ITGB8: variants seen among roughly 807,000 people sequenced by gnomAD.
ITGB8 encodes the protein integrin subunit beta 8.
A neutral mutation model predicts 89.5 loss-of-function variants in ITGB8; 30 were observed. That is an observed-to-expected ratio of 0.34 (90% confidence interval 0.25 to 0.45). The LOEUF (loss-of-function observed/expected upper bound fraction) is 0.45, where lower values mean the gene tolerates loss of function less well. Among genes scored for constraint, ITGB8 ranks in the 20% least tolerant of loss-of-function variants. The pLI is 1.00. For missense variants in ITGB8, 836 were observed against 933.3 expected, an observed-to-expected ratio of 0.90 and a Z score of 1.36; for synonymous variants, 335 against 320.4, an observed-to-expected ratio of 1.05 and a Z score of -0.49.
Position 20,380,845 on chromosome 7 carries a change from C to T in ITGB8, c.801+14C>T. ...GCTGTCTGTGAAGTAAGACGTTTCA[C>T]ATGATCGAGTGTTTGCTAAGATGCC... On this transcript the variant is annotated intron_variant, in intron 5 of 13. Coordinates refer to ENST00000222573, the MANE Select transcript of ITGB8 (RefSeq NM_002214.3). 6.3e-7 allele frequency: 1 copy of T among 1,596,486 alleles called. No homozygotes were observed. Among genetic ancestry groups the T allele is most frequent in the South Asian group, 1.1e-5 (1 of 89,016 alleles).
At position 20,404,642 on chromosome 7, in the gene ITGB8, G is replaced by GCCC. The variant is rs753635396; in HGVS notation, c.1702_1703insCCC (p.Glu568delinsAlaGln). 1.2e-6 allele frequency: 2 copies of GCCC among 1,613,904 alleles called. No individual in the cohort carries two copies. The highest frequency in any genetic ancestry group is 4.5e-5 in the East Asian group (2 of 44,868). On this transcript the variant is annotated protein_altering_variant, in exon 11 of 14. Transcript: ENST00000222573. ...CTTCCTCACAGGGCATGGAGAGTGT[G>GCCC]AAGCAGGCAGATGCCAATGCTTCAG...
intron 1 of ITGB8, among the ~76,000 whole-genome samples, chr7:20,360,401 T>C (rs1181721912): frequency 6.6e-6 from 1 of 150,834 alleles, no homozygotes; most frequent in African/African-American, 2.4e-5. Context: ...TTTGATTACG[T>C]GGATGAATTG....
chr7:20,381,597 G>A (rs1311540704), intron 5 of ITGB8, 130 bp from the exon 6 acceptor site: 23 of 649,220 alleles, frequency 3.5e-5, no homozygotes, highest in Non-Finnish European at 4.5e-5. Context: ...ACGCAGCAGC[G>A]TTGTACCCAC....
intron 1 of ITGB8, among the ~76,000 whole-genome samples, chr7:20,355,666 C>G (rs1242183303): frequency 6.6e-6 from 1 of 152,154 alleles, no homozygotes; most frequent in African/African-American, 2.4e-5. Flanking sequence ...CATAAAGATA[C>G]TTATTTTCAT....
upstream of ITGB8, among the ~76,000 whole-genome samples, chr7:20,330,035 T>G (rs1321060338): frequency 2.0e-4 from 30 of 152,186 alleles, no homozygotes; most frequent in Admixed American, 1.9e-3. Context: ...TGTCTGTAAC[T>G]TTTTGTTCCG....
At chr7:20,399,794 C>T (rs1410624779) in intron 9 of ITGB8, among the ~76,000 whole-genome samples, 1 of 152,076 alleles carries the variant, frequency 6.6e-6, no homozygotes, top group African/African-American at 2.4e-5. Flanking sequence ...TAGTAGATTT[C>T]CAACCCCTTT....
At chr7:20,339,982 T>C (rs1331777119) in intron 1 of ITGB8, among the ~76,000 whole-genome samples, 1 of 152,172 alleles carries the variant, frequency 6.6e-6, no homozygotes, top group Non-Finnish European at 1.5e-5. Context: ...GAGCCGAGAT[T>C]GTGCCACTGC....
At chr7:20,352,092 C>G (rs1388341403) in intron 1 of ITGB8, among the ~76,000 whole-genome samples, 3 of 152,184 alleles carry the variant, frequency 2.0e-5, no homozygotes, top group African/African-American at 7.2e-5. Context: ...CCAGTGAAAA[C>G]AAGAAACAAA....
intron 1 of ITGB8, among the ~76,000 whole-genome samples, chr7:20,339,114 C>T (rs796344542): frequency 2.7e-5 from 4 of 150,532 alleles, no homozygotes; most frequent in Non-Finnish European, 5.9e-5. Flanking sequence ...ATCATTTGAA[C>T]CCATGAGATG....
chr7:20,331,971 C>T (rs1167319209), intron 1 of ITGB8, 38 bp downstream of exon 1: 26 of 1,605,584 alleles, frequency 1.6e-5, no homozygotes, highest in Non-Finnish European at 2.1e-5. Flanking sequence ...CTTCTCTTCC[C>T]CAAAGGTCTT....
intron 6 of ITGB8, among the ~76,000 whole-genome samples, chr7:20,383,217 T>C (rs1786473877): frequency 6.6e-6 from 1 of 152,230 alleles, no homozygotes; most frequent in Non-Finnish European, 1.5e-5. Context: ...TATTACCATA[T>C]GAAACAGGTT....
chr7:20,337,982 C>T (rs1784631411), intron 1 of ITGB8, among the ~76,000 whole-genome samples: 1 of 152,206 alleles, frequency 6.6e-6, no homozygotes, highest in African/African-American at 2.4e-5. Flanking sequence ...GTAAACAGAG[C>T]TTGGACATGC....
chr7:20,389,615 G>C (rs1478433420), intron 6 of ITGB8, among the ~76,000 whole-genome samples: 4 of 152,154 alleles, frequency 2.6e-5, no homozygotes, highest in African/African-American at 4.8e-5. Context: ...AAATTAAGAA[G>C]GGTGAATGCT....
Position 20,404,636 on chromosome 7 carries a change from G to C in ITGB8, c.1696G>C (p.Glu566Gln), listed in dbSNP as rs1435981892. Residue 566 changes from glutamate to glutamine, a missense_variant, in exon 11 of 14, where the codon GAG (glutamate) becomes CAG (glutamine). This residue lies in a region of ITGB8 where 422 missense variants were observed against 416.9 expected (regional missense o/e 1.01). Coordinates refer to ENST00000222573, the MANE Select transcript of ITGB8 (RefSeq NM_002214.3). ...CGGTGTCTTCCTCACAGGGCATGGA[G>C]AGTGTGAAGCAGGCAGATGCCAATG... ...HHGNLCAGHG[E>Q]CEAGRCQCFS... 1.2e-6 allele frequency: 2 copies of C among 1,613,748 alleles called. No individual in the cohort carries two copies. Among genetic ancestry groups the C allele is most frequent in the Non-Finnish European group, 1.7e-6 (2 of 1,179,802 alleles).
chr7:20,382,316 G>C (rs1056061824), intron 6 of ITGB8, among the ~76,000 whole-genome samples: 70 of 152,254 alleles, frequency 4.6e-4, no homozygotes, highest in African/African-American at 1.7e-3. Context: ...AAAAAGACAA[G>C]AGAGAAAGAG....
rs879280195 is a variant in ITGB8 at position 20,413,836 on chromosome 7, T to A, written c.*3839T>A. The A allele has an allele frequency of 6.6e-6, 1 of 152,142 alleles. No individual in the cohort carries two copies. The highest frequency in any genetic ancestry group is 1.5e-5 in the Non-Finnish European group (1 of 67,958). The allele number at this position is 152,142 out of a possible 1,614,324, so 9.4% of individuals were successfully genotyped here. ...ACATGGGAGCTCAATCATGTGCAGA[T>A]TGCATTCTGTTATGTTGACTCAATA... On this transcript the variant is annotated 3_prime_UTR_variant, in exon 14 of 14. Coordinates refer to ENST00000222573, the MANE Select transcript of ITGB8 (RefSeq NM_002214.3).
chr7:20,346,714 C>G (rs1293195217), intron 1 of ITGB8: 1 of 985,160 alleles, frequency 1.0e-6, no homozygotes, highest in African/African-American at 1.7e-5. Context: ...ACACTCTTGA[C>G]TCCAGATGAT....
chr7:20,408,711 T>C (rs1220978298), intron 12 of ITGB8, among the ~76,000 whole-genome samples: 1 of 152,140 alleles, frequency 6.6e-6, no homozygotes, highest in African/African-American at 2.4e-5. Context: ...TGTGCAACCA[T>C]CTTCCTGTTA....
At chr7:20,381,068 C>G in intron 5 of ITGB8, 1 of 363,024 alleles carries the variant, frequency 2.8e-6, no homozygotes, top group Non-Finnish European at 4.9e-6. Context: ...GTTATGAACG[C>G]GAAAATTCTT....
Sources: allele counts gnomAD v4.1 joint callset (sites outside exome capture counted in the v4.1 genomes callset), GRCh38; gene constraint gnomAD v4.1.1; regional missense constraint gnomAD v4.1.1; transcripts MANE v1.5; gene names NCBI Gene and HGNC (gene_info 2026-07-23, HGNC 2026-07-21).